ZMAT4: variants seen among roughly 807,000 people sequenced by gnomAD.
ZMAT4 encodes zinc finger matrin-type 4.
Under a neutral mutation model 28.7 loss-of-function variants are expected in ZMAT4, and 17 were observed. The ratio of observed to expected loss-of-function variants is 0.59; its 90% CI spans 0.41 to 0.89. The LOEUF is 0.89. Among genes scored for constraint, ZMAT4 ranks in the 40% least tolerant of loss-of-function variants. The probability of loss-of-function intolerance (pLI) is 0.00; values close to 1 mark genes in which losing one functional copy is unlikely to be tolerated. For missense variants in ZMAT4, 240 were observed against 283.8 expected, an observed-to-expected ratio of 0.85 and a Z score of 1.11; for synonymous variants, 117 against 109.2, an observed-to-expected ratio of 1.07 and a Z score of -0.44.
At chr8:40,742,224 G>C (rs566961084) in intron 3 of ZMAT4, among the ~76,000 whole-genome samples, 1 of 151,688 alleles carries the variant, frequency 6.6e-6, no homozygotes, top group African/African-American at 2.4e-5. Flanking sequence ...CTCCAGCCTG[G>C]GTGACAGAGT....
At chr8:40,853,358 C>G (rs535699026) in intron 1 of ZMAT4, among the ~76,000 whole-genome samples, 23 of 152,238 alleles carry the variant, frequency 1.5e-4, no homozygotes, top group African/African-American at 5.3e-4. Flanking sequence ...AGTTCGAGAC[C>G]AGCCTGGCCA....
intron 2 of ZMAT4, among the ~76,000 whole-genome samples, chr8:40,823,705 A>G (rs909805299): frequency 6.6e-6 from 1 of 151,558 alleles, no homozygotes; most frequent in Non-Finnish European, 1.5e-5. Flanking sequence ...ACACACACAC[A>G]CGTGTGTGTG....
chr8:40,745,832 G>GAA (rs1812195288), intron 3 of ZMAT4, among the ~76,000 whole-genome samples: 1 of 152,012 alleles, frequency 6.6e-6, no homozygotes, highest in East Asian at 1.9e-4. Context: ...TTCCTCTCTT[G>GAA]AGGAAACAAA....
At chr8:40,884,181 C>A (rs929264635) in intron 1 of ZMAT4, among the ~76,000 whole-genome samples, 1 of 151,030 alleles carries the variant, frequency 6.6e-6, no homozygotes, top group African/African-American at 2.4e-5. Flanking sequence ...GGGTCCCCCA[C>A]CCCGCCTCAC....
chr8:40,821,782 G>C (rs781774394), intron 2 of ZMAT4, among the ~76,000 whole-genome samples: 2 of 152,144 alleles, frequency 1.3e-5, no homozygotes, highest in Non-Finnish European at 2.9e-5. Flanking sequence ...GCTGCCAAAT[G>C]CTTAAGAGCC....
chr8:40,728,104 C>A (rs187515019), intron 3 of ZMAT4, among the ~76,000 whole-genome samples: 65 of 152,236 alleles, frequency 4.3e-4, no homozygotes, highest in Admixed American at 1.8e-3. Context: ...AAGAATTACT[C>A]TCTGTGATTT....
intron 6 of ZMAT4, among the ~76,000 whole-genome samples, chr8:40,546,446 C>A (rs528592040): frequency 7.9e-5 from 12 of 152,242 alleles, no homozygotes; most frequent in African/African-American, 2.4e-4. Flanking sequence ...TCTATGTTCA[C>A]TTTCAATTAA....
intron 4 of ZMAT4, among the ~76,000 whole-genome samples, chr8:40,696,730 GA>G (rs999732590): frequency 6.6e-6 from 1 of 150,398 alleles, no homozygotes; most frequent in East Asian, 1.9e-4. Flanking sequence ...TGTCATCTCA[GA>G]AAAAAAAATA....
intron 1 of ZMAT4, among the ~76,000 whole-genome samples, chr8:40,887,621 G>A (rs1176115709): frequency 6.6e-6 from 1 of 152,094 alleles, no homozygotes; most frequent in Non-Finnish European, 1.5e-5. Flanking sequence ...AGAACTGGCA[G>A]GCGAGCAACC....
chr8:40,771,114 T>C (rs1044957585), intron 2 of ZMAT4, among the ~76,000 whole-genome samples: 2 of 152,054 alleles, frequency 1.3e-5, no homozygotes, highest in Non-Finnish European at 2.9e-5. Flanking sequence ...AGCCGTGGCA[T>C]GCCCTGTGTT....
At chr8:40,601,952 AT>A (rs2118623511) in intron 5 of ZMAT4, among the ~76,000 whole-genome samples, 1 of 152,192 alleles carries the variant, frequency 6.6e-6, no homozygotes, top group Non-Finnish European at 1.5e-5. Flanking sequence ...GGTTTCTGAA[AT>A]TTTGGTGCAC....
At position 40,786,808 on chromosome 8, in the gene ZMAT4, T is replaced by C. The variant is rs1361655024; in HGVS notation, c.103-19078A>G. The C allele has an allele frequency of 1.7e-6, 2 of 1,173,852 alleles. 1 individual carries two copies. The allele number at this position is 1,173,852 out of a possible 1,614,324, so 72.7% of individuals were successfully genotyped here. On this transcript the variant is annotated intron_variant, in intron 2 of 6. Transcript: ENST00000297737. The stretch of plus-strand genomic sequence containing the variant: ...CTAGGATAGATGGGAACAAACAGAC[T>C]GTGCTTACAGAAGAAAATTGGGATT...
intron 5 of ZMAT4, among the ~76,000 whole-genome samples, chr8:40,632,109 T>C (rs1263175623): frequency 1.3e-5 from 2 of 152,188 alleles, no homozygotes; most frequent in Non-Finnish European, 2.9e-5. Flanking sequence ...ATTCTATTTA[T>C]AGCTGTCTAG....
At chr8:40,624,245 A>C (rs1297104541) in intron 5 of ZMAT4, among the ~76,000 whole-genome samples, 3 of 152,216 alleles carry the variant, frequency 2.0e-5, no homozygotes, top group African/African-American at 7.2e-5. Flanking sequence ...TGGCCCTATA[A>C]GATGACAAAA....
chr8:40,863,266 A>G (rs1486061571), intron 1 of ZMAT4, among the ~76,000 whole-genome samples: 1 of 152,090 alleles, frequency 6.6e-6, no homozygotes. Context: ...TACAATGTGG[A>G]AAATGCTCAG....
chr8:40,626,149 G>C (rs1046574003), intron 5 of ZMAT4, among the ~76,000 whole-genome samples: 2 of 31,310 alleles, frequency 6.4e-5, no homozygotes, highest in Non-Finnish European at 1.1e-4. Flanking sequence ...TGGAAGTCTT[G>C]GGGGGTAAAT....
At chr8:40,677,459 TGA>T (rs1321541296) in intron 4 of ZMAT4, among the ~76,000 whole-genome samples, 4 of 152,192 alleles carry the variant, frequency 2.6e-5, no homozygotes, top group African/African-American at 9.6e-5. Flanking sequence ...GTGAGCTGTG[TGA>T]CCTTTGGCAA....
In ZMAT4 at chr8:40,815,869, G is replaced by A. The variant is rs540103054; in HGVS notation, c.102+9706C>T. On this transcript the variant is annotated intron_variant, in intron 2 of 6. Coordinates refer to ENST00000297737, the MANE Select transcript of ZMAT4 (RefSeq NM_024645.3). ...TTGCTTCCATTACCTCCCCGGCACT[G>A]TAATAAAATGGGCATCAGCTTCACG... Among the ~76,000 whole-genome samples, 3 of 152,318 alleles carry A rather than the reference G, an allele frequency of 2.0e-5. No homozygotes were observed. The South Asian group carries it at 6.2e-4, about 32-fold the overall frequency.
At chr8:40,824,069 G>C (rs529133191) in intron 2 of ZMAT4, among the ~76,000 whole-genome samples, 1 of 151,986 alleles carries the variant, frequency 6.6e-6, no homozygotes, top group South Asian at 2.1e-4. Context: ...TGTCTTTCTG[G>C]GTGCGTATGT....
Sources: allele counts gnomAD v4.1 joint callset (sites outside exome capture counted in the v4.1 genomes callset), GRCh38; gene constraint gnomAD v4.1.1; transcripts MANE v1.5; gene names NCBI Gene and HGNC (gene_info 2026-07-23, HGNC 2026-07-21).